The following DGKA variants were observed in gnomAD, a reference collection of about 807,000 sequenced individuals.
The protein encoded by DGKA is 80 kDa diacylglycerol kinase.
DGKA carries 35 observed loss-of-function variants against 105.0 expected under a neutral mutation model. The observed-to-expected ratio is 0.33, with a 90% CI of 0.25 to 0.44. DGKA has a LOEUF of 0.44. Among genes scored for constraint, DGKA ranks in the 20% least tolerant of loss-of-function variants. The probability of loss-of-function intolerance (pLI) is 1.00; values close to 1 mark genes in which losing one functional copy is unlikely to be tolerated. For synonymous variants in DGKA, 296 were observed against 332.0 expected (o/e 0.89, Z 1.18); for missense variants, 665 against 915.0 (o/e 0.73, Z 3.53).
upstream of DGKA, chr12:55,929,603 G>A (rs1883277180): frequency 6.6e-6 from 1 of 152,272 alleles, no homozygotes; most frequent in Admixed American, 6.5e-5. Flanking sequence ...AAAGGCCGGG[G>A]AGAACAGGCT....
Position 55,952,451 on chromosome 12 carries a change from AC to A in DGKA, c.1743+23del. On this transcript the variant is annotated intron_variant, in intron 20 of 23. Coordinates refer to ENST00000331886, the MANE Select transcript of DGKA (RefSeq NM_001345.5). This position sits in a 1 kb window ranked among gnomAD's most constrained non-coding sequence, Gnocchi z 5.1. ...GTTGAGGTGTGTGTAATAAGACTTA[AC>A]CCTACATCCTTTTCAGCTTCTTAAT... 6.2e-7 allele frequency: 1 copy of A among 1,608,998 alleles called. No homozygotes were observed. The highest frequency in any genetic ancestry group is 8.5e-7 in the Non-Finnish European group (1 of 1,175,532).
At chr12:55,939,878 G>A in intron 9 of DGKA, 1 of 605,586 alleles carries the variant, frequency 1.7e-6, no homozygotes, top group Non-Finnish European at 3.0e-6. Context: ...ATGGTGTGGG[G>A]CAGGCATGCA....
intron 18 of DGKA, 36 bp downstream of exon 18, chr12:55,951,819 G>A (rs373352734): frequency 2.6e-4 from 415 of 1,605,292 alleles, no homozygotes; most frequent in Admixed American, 6.8e-4. Context: ...AGGGAGAAAG[G>A]GGGGGCCAAG....
rs781713798 is a variant in DGKA, at chr12:55,953,197, G to T, written c.2063+37G>T. Reference sequence around the variant, plus strand: ...TCCACCAGGGTCCCTGAGGGAAGGTGTGGGGCTGGGGCAGCAGAAGGGTCA... The same window carrying T: ...TCCACCAGGGTCCCTGAGGGAAGGTTTGGGGCTGGGGCAGCAGAAGGGTCA... On this transcript the variant is annotated intron_variant, in intron 22 of 23. Coordinates refer to ENST00000331886, the MANE Select transcript of DGKA (RefSeq NM_001345.5). The T allele has an allele frequency of 2.7e-5, 43 of 1,613,668 alleles. No individual in the cohort carries two copies. In the East Asian group the frequency reaches 9.1e-4, roughly 34 times the overall value.
Position 55,953,849 on chromosome 12 carries a change from C to A in DGKA, c.*81C>A. The A allele has an allele frequency of 8.1e-7, 1 of 1,231,026 alleles. No homozygotes were observed. The highest frequency in any genetic ancestry group is 1.2e-6 in the Non-Finnish European group (1 of 844,532). The allele number at this position is 1,231,026 out of a possible 1,614,324, so 76.3% of individuals were successfully genotyped here. A position where few individuals can be genotyped will look rare whatever the true frequency, so the allele number is the denominator to read the frequency against. On this transcript the variant is annotated 3_prime_UTR_variant, in exon 24 of 24. Transcript: ENST00000331886. ...TCTACTCCCGAGGCTCTGTACATTG[C>A]TGCCACATACTCCTGCCAGCTTGGG...
At chr12:55,933,864 T>G (rs1884131765) in intron 1 of DGKA, among the ~76,000 whole-genome samples, 2 of 152,240 alleles carry the variant, frequency 1.3e-5, no homozygotes, top group Admixed American at 1.3e-4. Flanking sequence ...GTACTACCCT[T>G]GTGTAATAAT....
intron 2 of DGKA, chr12:55,936,782 G>A: frequency 4.6e-6 from 4 of 862,760 alleles, no homozygotes; most frequent in Non-Finnish European, 5.8e-6. Flanking sequence ...CATTGTGCAA[G>A]GTCTCGGCTC....
intron 17 of DGKA, among the ~76,000 whole-genome samples, chr12:55,950,286 TTTTTA>T (rs577528770): frequency 1.3e-5 from 2 of 150,714 alleles, no homozygotes; most frequent in South Asian, 2.1e-4. Flanking sequence ...ACCTGGCTAA[TTTTTA>T]TTTTATTTTA....
At chr12:55,927,462 G>C, upstream of DGKA, 2 of 694,404 alleles carry the variant, frequency 2.9e-6, no homozygotes, top group Non-Finnish European at 2.6e-6. Context: ...CACCCAAAAA[G>C]GGGGCCTTAT....
Position 55,940,374 on chromosome 12 carries a change from A to G in DGKA, c.859A>G (p.Lys287Glu). 1 of 1,614,230 alleles carries G rather than the reference A, an allele frequency of 6.2e-7. No individual in the cohort carries two copies. The highest frequency in any genetic ancestry group is 1.1e-5 in the South Asian group (1 of 91,088). Residue 287 changes from lysine to glutamate, a missense_variant, in exon 11 of 24, where the codon AAA becomes GAA. Physicochemically the swap from Lys to Glu is moderately conservative, Grantham distance 56 (BLOSUM62 1). Transcript: ENST00000331886. This position sits in a 1 kb window ranked among gnomAD's most constrained non-coding sequence, Gnocchi z 4.3. ...GTCCGGGCGCTGCGACCGCTGTCAGAAAAAGATCCGGATCTACCACAGTCT... is the reference window on the plus strand; with the variant it reads ...GTCCGGGCGCTGCGACCGCTGTCAGGAAAAGATCCGGATCTACCACAGTCT... ...CESGRCDRCQKKIRIYHSLTG... is the reference protein window; with the variant it reads ...CESGRCDRCQEKIRIYHSLTG...
At chr12:55,953,605 ACAG>A in intron 23 of DGKA, 77 bp from the exon 24 acceptor site, 1 of 1,497,502 alleles carries the variant, frequency 6.7e-7, no homozygotes, top group Non-Finnish European at 9.3e-7. Flanking sequence ...CCCAAACCCC[ACAG>A]ATTTCCCTCT....
At position 55,940,792 on chromosome 12, in the gene DGKA, A is replaced by G; in HGVS notation, c.1017+70A>G. On this transcript the variant is annotated intron_variant, in intron 12 of 23. Transcript: ENST00000331886. This position sits in a 1 kb window ranked among gnomAD's most constrained non-coding sequence, Gnocchi z 4.3. ...CGATTTCCCACACGCACAGAGTGGC[A>G]TTTAGAATAGAGAGCTCATACTTTT... 6.2e-7 allele frequency: 1 copy of G among 1,600,992 alleles called. No homozygotes were observed. The highest frequency in any genetic ancestry group is 1.1e-5 in the South Asian group (1 of 90,804).
chr12:55,936,168 G>C (rs1204285491), intron 1 of DGKA: 1 of 559,084 alleles, frequency 1.8e-6, no homozygotes, highest in Non-Finnish European at 2.6e-6. Context: ...AGATAGGTTG[G>C]GGGAGAGGGA....
Position 55,952,493 on chromosome 12 carries a change from T to A in DGKA, c.1743+62T>A. 2.6e-6 allele frequency: 4 copies of A among 1,515,578 alleles called. No individual in the cohort carries two copies. Among genetic ancestry groups the A allele is most frequent in the Non-Finnish European group, 3.7e-6 (4 of 1,090,626 alleles). 93.9% of individuals were successfully genotyped at this position (1,515,578 alleles called of 1,614,324 possible). A position where few individuals can be genotyped will look rare whatever the true frequency, so the allele number is the denominator to read the frequency against. ...GCTTCTTAATAGCCAAGTTTCTCCC[T>A]CCATGGCACCCTTAGGAACTTCCCA... On this transcript the variant is annotated intron_variant, in intron 20 of 23. Transcript: ENST00000331886. The surrounding 1 kb of genome is among the most constrained non-coding windows in gnomAD (Gnocchi z 5.1).
rs750565596 is a variant in DGKA at position 55,952,082 on chromosome 12, G to A, written c.1635G>A (p.Pro545=). 35 of 1,613,942 alleles carry A rather than the reference G, an allele frequency of 2.2e-5. No homozygotes were observed. The East Asian group carries it at 5.3e-4, about 25-fold the overall frequency. The change falls in exon 19 of 24, where the codon CCG becomes CCA. Residue 545 remains proline, a synonymous_variant. Coordinates refer to ENST00000331886, the MANE Select transcript of DGKA (RefSeq NM_001345.5). This position sits in a 1 kb window ranked among gnomAD's most constrained non-coding sequence, Gnocchi z 5.1. ...HRFHIMREKY[P]EKFNSRMKNK... The stretch of plus-strand genomic sequence containing the variant: ...TCCACATCATGCGAGAGAAATATCC[G>A]GAGAAGTTCAACAGCAGGTTAGGGA...
intron 9 of DGKA, 154 bp from the exon 10 acceptor site, chr12:55,939,928 C>A: frequency 1.5e-6 from 1 of 667,670 alleles, no homozygotes; most frequent in Non-Finnish European, 2.6e-6. Context: ...AAGGAAAAGG[C>A]GTGGGTTTTG....
intron 17 of DGKA, among the ~76,000 whole-genome samples, chr12:55,950,420 C>G (rs1887934008): frequency 6.6e-6 from 1 of 152,096 alleles, no homozygotes. Flanking sequence ...CATTCTCCTG[C>G]CTCAGCCTCC....
chr12:55,947,520 C>T (rs952350242), intron 17 of DGKA, among the ~76,000 whole-genome samples: 1 of 152,116 alleles, frequency 6.6e-6, no homozygotes, highest in East Asian at 1.9e-4. Flanking sequence ...TCTAACTTAA[C>T]AGTTCATATT....
chr12:55,934,928 A>G (rs1268678254), intron 1 of DGKA, among the ~76,000 whole-genome samples: 1 of 152,174 alleles, frequency 6.6e-6, no homozygotes, highest in Non-Finnish European at 1.5e-5. Context: ...AGCAGGGGAG[A>G]GCTTGGCATG....
Sources: gnomAD v4.1 joint callset for allele counts (sites outside exome capture counted in the v4.1 genomes callset) on GRCh38, gnomAD v4.1.1 for gene constraint, Gnocchi (gnomAD v3.1) non-coding constraint, MANE v1.5 for transcripts, NCBI Gene and HGNC (gene_info 2026-07-23, HGNC 2026-07-21) for gene names.